The following FAM13B variants were observed in gnomAD, a reference collection of about 807,000 sequenced individuals.
FAM13B encodes the protein protein FAM13B.
A neutral mutation model predicts 117.3 loss-of-function variants in FAM13B; 60 were observed. The observed-to-expected ratio is 0.51, with a 90% confidence interval of 0.42 to 0.63. The LOEUF (loss-of-function observed/expected upper bound fraction) is 0.63, where lower values mean the gene tolerates loss of function less well. FAM13B is among the 30% of genes least tolerant of loss of function. The probability of loss-of-function intolerance (pLI) is 0.00; values close to 1 mark genes in which losing one functional copy is unlikely to be tolerated. For synonymous variants in FAM13B, 332 were observed against 356.1 expected (o/e 0.93, Z 0.76); for missense variants, 972 against 1,091.9 (o/e 0.89, Z 1.55).
At chr5:137,995,114 T>C (rs1011519878) in intron 7 of FAM13B, among the ~76,000 whole-genome samples, 2 of 152,300 alleles carry the variant, frequency 1.3e-5, no homozygotes, top group African/African-American at 2.4e-5. Flanking sequence ...AGGAAGGTGA[T>C]AGGCTTATAA....
intron 1 of FAM13B, among the ~76,000 whole-genome samples, chr5:138,040,502 G>A (rs1424089979): frequency 2.0e-5 from 3 of 151,938 alleles, no homozygotes; most frequent in Non-Finnish European, 4.4e-5. Flanking sequence ...AATCTGGGAG[G>A]CGGAGATTAC....
chr5:137,968,617 G>T (rs1011071322), intron 10 of FAM13B, among the ~76,000 whole-genome samples: 1 of 152,100 alleles, frequency 6.6e-6, no homozygotes, highest in Non-Finnish European at 1.5e-5. Flanking sequence ...CAAGATGGCC[G>T]AATAGGAACG....
rs1762313073 is a variant in FAM13B at position 137,943,024 on chromosome 5, ATCT to A, written c.2436_2438del (p.Glu812del). The A allele has an allele frequency of 2.5e-6, 4 of 1,612,832 alleles. No individual in the cohort carries two copies. The highest frequency in any genetic ancestry group is 1.7e-6 in the Non-Finnish European group (2 of 1,179,572). Reference sequence around the variant, plus strand: ...CTAACTCAGAGGACAGATTAACACCATCTTCTTCTTCCTCCTAAAAAGATATCC... The same window carrying A: ...CTAACTCAGAGGACAGATTAACACCATCTTCTTCCTCCTAAAAAGATATCC... On this transcript the variant is annotated inframe_deletion, in exon 22 of 24. Transcript: ENST00000689681.
chr5:138,036,477 C>T (rs1246976938), upstream of FAM13B: 1 of 456,676 alleles, frequency 2.2e-6, no homozygotes. Context: ...CCCACGGTGC[C>T]CCTCAGACTG....
chr5:137,980,699 C>G (rs1370192283), intron 10 of FAM13B, among the ~76,000 whole-genome samples: 2 of 152,106 alleles, frequency 1.3e-5, no homozygotes, highest in South Asian at 2.1e-4. Context: ...CTCAGCCTCC[C>G]AAAGTGCTAG....
chr5:137,982,344 G>A (rs924969764), intron 10 of FAM13B, among the ~76,000 whole-genome samples: 3 of 152,168 alleles, frequency 2.0e-5, no homozygotes, highest in African/African-American at 4.8e-5. Context: ...CCTGAGGTCA[G>A]GAGCTCGAGA....
At chr5:138,014,852 T>C (rs1190523085) in intron 4 of FAM13B, among the ~76,000 whole-genome samples, 1 of 152,208 alleles carries the variant, frequency 6.6e-6, no homozygotes. Context: ...TCAAAATACA[T>C]TAAATATATA....
rs927567293 is a variant in FAM13B at position 137,942,505 on chromosome 5, C to T, written c.2588+370G>A. On this transcript the variant is annotated intron_variant, in intron 22 of 23. Transcript: ENST00000689681. The stretch of plus-strand genomic sequence containing the variant: ...CCTCCCAAGTATCTGGGACTACACG[C>T]GAACACCACCACCCCTGGCTAATTT... 1.2e-4 allele frequency: 26 copies of T among 213,044 alleles called. No individual in the cohort carries two copies. In the East Asian group the frequency reaches 1.6e-3, roughly 13 times the overall value. The allele number at this position is 213,044 out of a possible 1,614,324, so 13.2% of individuals were successfully genotyped here.
intron 7 of FAM13B, among the ~76,000 whole-genome samples, chr5:137,993,551 C>T (rs950118473): frequency 1.3e-4 from 20 of 151,728 alleles, no homozygotes; most frequent in African/African-American, 4.6e-4. Context: ...GAGGCTGAGG[C>T]GGGCAGATCA....
At chr5:138,030,969 G>T (rs1332407388) in intron 1 of FAM13B, among the ~76,000 whole-genome samples, 1 of 151,450 alleles carries the variant, frequency 6.6e-6, no homozygotes, top group Non-Finnish European at 1.5e-5. Context: ...GGAGGCAGAG[G>T]TTGCAGTCAG....
chr5:137,977,484 G>A (rs931135788), intron 10 of FAM13B, among the ~76,000 whole-genome samples: 4 of 152,088 alleles, frequency 2.6e-5, no homozygotes, highest in East Asian at 1.9e-4. Context: ...CAGAACCTAC[G>A]AACATGTGAT....
intron 7 of FAM13B, among the ~76,000 whole-genome samples, chr5:137,991,277 T>C (rs1306584081): frequency 1.3e-5 from 2 of 152,232 alleles, no homozygotes; most frequent in Admixed American, 6.5e-5. Flanking sequence ...TGGACTGTTG[T>C]GAAATCATTG....
chr5:138,039,357 G>A, intron 1 of FAM13B: 1 of 152,102 alleles, frequency 6.6e-6, no homozygotes, highest in East Asian at 1.9e-4. Context: ...AGAAATCTAG[G>A]CAGGAGGGTC....
rs147357517 is a variant in FAM13B, at chr5:137,998,714, A to T, written c.848+8276T>A. On this transcript the variant is annotated intron_variant, in intron 7 of 23. Transcript: ENST00000689681. ...GATGCTTCTGATGCAATCAACAGTG[A>T]TATTAAAGAATGTGAACTTTAACAA... Among the ~76,000 whole-genome samples, 551 of 152,386 alleles carry T rather than the reference A, an allele frequency of 3.6e-3. 4 individuals are homozygous for T. Among genetic ancestry groups the T allele is most frequent in the African/African-American group, 0.013 (529 of 41,600 alleles).
At chr5:138,039,565 A>G (rs61746973) in intron 1 of FAM13B, 5,012 of 150,114 alleles carry the variant, frequency 0.033, 191 homozygotes, top group Admixed American at 0.11. Context: ...CCTCCCAAGT[A>G]TCTGGGACTA....
chr5:137,967,671 T>C (rs965462038), intron 10 of FAM13B, among the ~76,000 whole-genome samples: 3 of 151,928 alleles, frequency 2.0e-5, no homozygotes, highest in African/African-American at 4.8e-5. Flanking sequence ...GGTGGGAGAA[T>C]TGCTTGAAGC....
chr5:138,013,783 A>G (rs1784616294), intron 4 of FAM13B, among the ~76,000 whole-genome samples: 1 of 152,218 alleles, frequency 6.6e-6, no homozygotes, highest in Non-Finnish European at 1.5e-5. Context: ...ACTTAATATT[A>G]TCAATATAAT....
At chr5:138,014,865 T>C (rs1784886558) in intron 4 of FAM13B, among the ~76,000 whole-genome samples, 1 of 152,234 alleles carries the variant, frequency 6.6e-6, no homozygotes. Flanking sequence ...AATATATACA[T>C]ACTTGCTTAA....
At chr5:138,030,229 CA>C (rs1789533518) in intron 1 of FAM13B, among the ~76,000 whole-genome samples, 2 of 152,154 alleles carry the variant, frequency 1.3e-5, no homozygotes, top group Admixed American at 1.3e-4. Context: ...TCCTTGGCTC[CA>C]AAATATTCAT....
Sources: allele counts gnomAD v4.1 joint callset (sites outside exome capture counted in the v4.1 genomes callset), GRCh38; gene constraint gnomAD v4.1.1; transcripts MANE v1.5; gene names NCBI Gene and HGNC (gene_info 2026-07-23, HGNC 2026-07-21).